Variants in ABHD12B observed in about 807,000 individuals in gnomAD.
ABHD12B encodes the protein abhydrolase domain containing 12B.
Under a neutral mutation model 50.4 loss-of-function variants are expected in ABHD12B, and 42 were observed. The observed-to-expected ratio is 0.83, with a 90% CI of 0.65 to 1.08. ABHD12B has a LOEUF of 1.08. ABHD12B is among the 50% of genes least tolerant of loss of function. The probability of loss-of-function intolerance (pLI) is 0.00; values close to 1 mark genes in which losing one functional copy is unlikely to be tolerated. For synonymous variants in ABHD12B, 167 were observed against 160.3 expected (o/e 1.04, Z -0.32); for missense variants, 479 against 447.7 (o/e 1.07, Z -0.63).
At chr14:50,885,031 G>A (rs2050016929) in intron 5 of ABHD12B, among the ~76,000 whole-genome samples, 1 of 152,036 alleles carries the variant, frequency 6.6e-6, no homozygotes, top group Admixed American at 6.6e-5. Context: ...ACCTAAAGGC[G>A]ACTATTATTG....
intron 1 of ABHD12B, among the ~76,000 whole-genome samples, chr14:50,877,557 ATAATTCC>A (rs2049879426): frequency 6.6e-6 from 1 of 152,124 alleles, no homozygotes; most frequent in African/African-American, 2.4e-5. Flanking sequence ...TGCCGTGTAG[ATAATTCC>A]TTGTCATTGT....
intron 9 of ABHD12B, among the ~76,000 whole-genome samples, chr14:50,894,188 T>C (rs866182541): frequency 2.9e-5 from 4 of 137,110 alleles, no homozygotes; most frequent in Non-Finnish European, 1.5e-5. Flanking sequence ...TCATCCTTAG[T>C]GGCAAGTCCC....
chr14:50,880,246 T>G (rs1012411222), intron 3 of ABHD12B, among the ~76,000 whole-genome samples: 1 of 143,360 alleles, frequency 7.0e-6, no homozygotes, highest in African/African-American at 2.7e-5. Flanking sequence ...AGGCATTGTC[T>G]CTGTGCATGG....
At chr14:50,878,222 T>G (rs2049890413) in intron 2 of ABHD12B, 143 bp downstream of exon 2, 1 of 772,526 alleles carries the variant, frequency 1.3e-6, no homozygotes, top group South Asian at 2.2e-5. Context: ...TTATTTAATA[T>G]TGACTTTGAA....
chr14:50,903,975 C>T, intron 11 of ABHD12B, 99 bp from the exon 12 acceptor site: 1 of 963,308 alleles, frequency 1.0e-6, no homozygotes, highest in East Asian at 2.4e-5. Flanking sequence ...GGAACAAACT[C>T]CCCAAGTTAG....
chr14:50,903,225 A>T (rs559180598), intron 10 of ABHD12B, among the ~76,000 whole-genome samples, 164 bp from the exon 11 acceptor site: 168 of 152,296 alleles, frequency 1.1e-3, no homozygotes, highest in Non-Finnish European at 1.7e-3. Flanking sequence ...AAAAGCTACT[A>T]TGTGAAATTT....
chr14:50,887,332 T>C (rs1169704206), intron 8 of ABHD12B, among the ~76,000 whole-genome samples: 1 of 151,518 alleles, frequency 6.6e-6, no homozygotes, highest in African/African-American at 2.4e-5. Flanking sequence ...TTCTTAGTAA[T>C]ATTTATGTCA....
At chr14:50,886,488 T>G (rs1464205686) in intron 7 of ABHD12B, among the ~76,000 whole-genome samples, 159 bp from the exon 8 acceptor site, 2 of 151,038 alleles carry the variant, frequency 1.3e-5, no homozygotes, top group African/African-American at 4.9e-5. Context: ...ACCCCCTTAG[T>G]ATAGGGCCTG....
At chr14:50,873,533 T>C (rs986853604) in intron 1 of ABHD12B, among the ~76,000 whole-genome samples, 6 of 152,196 alleles carry the variant, frequency 3.9e-5, no homozygotes, top group Non-Finnish European at 7.4e-5. Context: ...CTATTCCTTT[T>C]TATTCTCATT....
intron 9 of ABHD12B, 147 bp from the exon 10 acceptor site, chr14:50,901,681 CT>C: frequency 2.3e-6 from 1 of 428,940 alleles, no homozygotes; most frequent in Non-Finnish European, 4.1e-6. Flanking sequence ...ACGTGCATTA[CT>C]TTTTAAATCG....
intron 9 of ABHD12B, among the ~76,000 whole-genome samples, chr14:50,897,589 G>A (rs2142766395): frequency 6.6e-6 from 1 of 152,242 alleles, no homozygotes; most frequent in South Asian, 2.1e-4. Flanking sequence ...GGATTTCTAC[G>A]GGTCTCTTTG....
In ABHD12B at chr14:50,904,643, G is replaced by A. The variant is rs944322999; in HGVS notation, c.*277G>A. 2.1e-5 allele frequency: 11 copies of A among 527,056 alleles called. No homozygotes were observed. Among genetic ancestry groups the A allele is most frequent in the South Asian group, 9.5e-5 (4 of 42,008 alleles). 32.6% of individuals were successfully genotyped at this position (527,056 alleles called of 1,614,324 possible). ...TCTAGATCCTATCTAAAAATATGTA[G>A]TTATTAAACATTCTGTGGATATTTG... On this transcript the variant is annotated 3_prime_UTR_variant, in exon 13 of 13. Coordinates refer to ENST00000337334, the MANE Select transcript of ABHD12B (RefSeq NM_001206673.2).
intron 11 of ABHD12B, 43 bp downstream of exon 11, chr14:50,903,510 T>G (rs1566496487): frequency 6.6e-7 from 1 of 1,523,444 alleles, no homozygotes; most frequent in East Asian, 2.3e-5. Context: ...ACTATACTCA[T>G]TTCACCATTT....
chr14:50,898,635 T>C (rs1877358791), intron 9 of ABHD12B, among the ~76,000 whole-genome samples: 1 of 152,212 alleles, frequency 6.6e-6, no homozygotes, highest in African/African-American at 2.4e-5. Context: ...CGGGGCTTGC[T>C]TTCTTCCTAC....
intron 9 of ABHD12B, among the ~76,000 whole-genome samples, chr14:50,894,849 C>A (rs1450884194): frequency 6.7e-6 from 1 of 148,350 alleles, no homozygotes; most frequent in Non-Finnish European, 1.5e-5. Flanking sequence ...TCTGACCTCT[C>A]CCCTCCTCGC....
At chr14:50,897,147 A>G (rs1302455284) in intron 9 of ABHD12B, among the ~76,000 whole-genome samples, 1 of 146,716 alleles carries the variant, frequency 6.8e-6, no homozygotes. Flanking sequence ...ATCTCAGCTC[A>G]TGGCAACCTC....
intron 5 of ABHD12B, among the ~76,000 whole-genome samples, chr14:50,882,372 G>GTTTTTTTTTTTTTTTTTTT (rs1486684470): frequency 2.4e-5 from 1 of 41,624 alleles, no homozygotes; most frequent in African/African-American, 8.8e-5. Flanking sequence ...CAGAATGTCT[G>GTTTTTTTTTTTTTTTTTTT]CTTTTTTTTT....
chr14:50,886,576 A>T (rs2142742961), intron 7 of ABHD12B, 71 bp from the exon 8 acceptor site: 2 of 1,425,850 alleles, frequency 1.4e-6, no homozygotes, highest in East Asian at 2.3e-5. Flanking sequence ...CTTTTATCAG[A>T]TGCTCATACC....
intron 1 of ABHD12B, among the ~76,000 whole-genome samples, chr14:50,874,414 C>T (rs889027599): frequency 3.3e-5 from 5 of 152,146 alleles, no homozygotes; most frequent in Admixed American, 3.3e-4. Flanking sequence ...TCCTGGCTAA[C>T]ACAGTGAAAC....
Sources: gnomAD v4.1 joint callset for allele counts (sites outside exome capture counted in the v4.1 genomes callset) on GRCh38, gnomAD v4.1.1 for gene constraint, MANE v1.5 for transcripts, NCBI Gene and HGNC (gene_info 2026-07-23, HGNC 2026-07-21) for gene names.